Variants in REV3L observed in about 807,000 individuals in gnomAD.
REV3L encodes the protein DNA polymerase zeta catalytic subunit.
In REV3L, 69 loss-of-function variants were observed where a neutral mutation model predicts 299.4. That is an observed-to-expected ratio of 0.23 (90% CI 0.19 to 0.28). REV3L has a LOEUF of 0.28. Among genes scored for constraint, REV3L ranks in the 10% least tolerant of loss-of-function variants. The probability of loss-of-function intolerance (pLI) is 1.00; values close to 1 mark genes in which losing one functional copy is unlikely to be tolerated. For synonymous variants in REV3L, 1,238 were observed against 1,271.4 expected, an observed-to-expected ratio of 0.97 and a Z score of 0.56; for missense variants, 3,128 against 3,693.8, an observed-to-expected ratio of 0.85 and a Z score of 3.97.
At chr6:111,453,955 C>T (rs1016928105) in intron 1 of REV3L, among the ~76,000 whole-genome samples, 1 of 152,112 alleles carries the variant, frequency 6.6e-6, no homozygotes, top group African/African-American at 2.4e-5. Flanking sequence ...CATTGCACTC[C>T]AGCCTGGGCT....
chr6:111,386,156 A>G (rs1182101599), intron 9 of REV3L, among the ~76,000 whole-genome samples: 2 of 152,210 alleles, frequency 1.3e-5, no homozygotes. Flanking sequence ...ACTCTTCTAC[A>G]TGTGTTTGGT....
intron 1 of REV3L, among the ~76,000 whole-genome samples, chr6:111,476,838 C>T (rs928689477): frequency 7.9e-5 from 12 of 152,142 alleles, no homozygotes; most frequent in Admixed American, 5.9e-4. Context: ...TTTTGGTTGA[C>T]ACATATTTTG....
chr6:111,421,153 AT>A (rs2128289051), intron 1 of REV3L, among the ~76,000 whole-genome samples: 1 of 152,226 alleles, frequency 6.6e-6, no homozygotes, highest in African/African-American at 2.4e-5. Context: ...AAAACAAAAC[AT>A]TAAGTCCTTT....
intron 1 of REV3L, among the ~76,000 whole-genome samples, chr6:111,427,066 A>C (rs1786263412): frequency 6.6e-6 from 1 of 152,234 alleles, no homozygotes; most frequent in African/African-American, 2.4e-5. Flanking sequence ...AATTCTGATT[A>C]TGACATGAAA....
At chr6:111,483,249 GGGTGTGTGTGGC>G, upstream of REV3L, 1 of 486,096 alleles carries the variant, frequency 2.1e-6, no homozygotes, top group Admixed American at 4.3e-5. Context: ...GGGGAGAGGG[GGGTGTGTGTGGC>G]GAAGGGAGGC....
chr6:111,363,116 C>T (rs1778864969), intron 16 of REV3L, among the ~76,000 whole-genome samples: 1 of 152,188 alleles, frequency 6.6e-6, no homozygotes, highest in Admixed American at 6.5e-5. Context: ...TAGTCTTTGG[C>T]AGGCAGCCTG....
intron 1 of REV3L, among the ~76,000 whole-genome samples, chr6:111,441,293 C>G (rs1788238761): frequency 6.6e-6 from 1 of 152,132 alleles, no homozygotes; most frequent in Non-Finnish European, 1.5e-5. Context: ...CGCTCTGTCA[C>G]TCAGGCTGGA....
chr6:111,431,436 G>A (rs1317971757), intron 1 of REV3L: 10 of 1,032,712 alleles, frequency 9.7e-6, no homozygotes, highest in Non-Finnish European at 9.2e-6. Context: ...TGATTCTGAG[G>A]AAGCTGAAAT....
At chr6:111,387,264 G>T (rs1781437896) in intron 9 of REV3L, among the ~76,000 whole-genome samples, 1 of 152,154 alleles carries the variant, frequency 6.6e-6, no homozygotes, top group Non-Finnish European at 1.5e-5. Context: ...CTTGGGGTTT[G>T]AGGTGGAAAT....
At chr6:111,348,056 C>T (rs990781756) in intron 20 of REV3L, among the ~76,000 whole-genome samples, 4 of 152,176 alleles carry the variant, frequency 2.6e-5, no homozygotes, top group Non-Finnish European at 5.9e-5. Context: ...CCCTCCTTGG[C>T]CTCCCCAAGT....
At position 111,388,023 on chromosome 6, in the gene REV3L, G is replaced by C; in HGVS notation, c.925C>G (p.Leu309Val). ...KKFQKRLQEI[L>V]KQNDFSVTLS... is the part of the protein sequence containing the mutation. Reference sequence around the variant, plus strand: ...TACACAGAGAAATCATTCTGTTTGAGAATTTCCTGAAGTCTCTTCTGAAAT... The same window carrying C: ...TACACAGAGAAATCATTCTGTTTGACAATTTCCTGAAGTCTCTTCTGAAAT... Residue 309 changes from leucine to valine, a missense_variant, in exon 8 of 32, where the codon CTC becomes GTC. By Grantham distance (32) the Leu-to-Val change is conservative. Transcript: ENST00000368802. 6.2e-7 allele frequency: 1 copy of C among 1,612,612 alleles called. No individual in the cohort carries two copies. Among genetic ancestry groups the C allele is most frequent in the Non-Finnish European group, 8.5e-7 (1 of 1,179,250 alleles).
Position 111,373,356 on chromosome 6 carries a change from C to A in REV3L, c.4999G>T (p.Val1667Phe). 6.2e-7 allele frequency: 1 copy of A among 1,613,652 alleles called. No homozygotes were observed. The highest frequency in any genetic ancestry group is 1.3e-5 in the African/African-American group (1 of 74,950). The change falls in exon 13 of 32, where the codon GTC becomes TTC. Residue 1667 changes from valine to phenylalanine, a missense_variant. Val to Phe is a conservative substitution (Grantham distance 50). Coordinates refer to ENST00000368802, the MANE Select transcript of REV3L (RefSeq NM_001372078.1). ...FCSFYSGSQFVPADQNLPQKF... is the reference protein window; with the variant it reads ...FCSFYSGSQFFPADQNLPQKF... ...TGAGGCAAATTCTGATCAGCTGGGA[C>A]AAACTGACTTCCAGAATAAAAGCTA...
chr6:111,473,690 C>A (rs1010224965), intron 1 of REV3L, among the ~76,000 whole-genome samples: 30 of 151,848 alleles, frequency 2.0e-4, no homozygotes, highest in Admixed American at 1.4e-3. Context: ...TACATATGTG[C>A]AGTTCTTTTA....
chr6:111,387,177 CA>C (rs1206944476), intron 9 of REV3L, among the ~76,000 whole-genome samples: 1 of 152,194 alleles, frequency 6.6e-6, no homozygotes, highest in South Asian at 2.1e-4. Context: ...AAGCCAGACA[CA>C]AAAGACTATA....
chr6:111,307,491 T>C lies in REV3L; in HGVS notation c.9122A>G (p.His3041Arg), dbSNP rs144040640. The change falls in exon 31 of 32, where the codon CAC (histidine) becomes CGC (arginine). Residue 3041 changes from histidine (H) to arginine (R), a missense_variant. This residue lies in a region of REV3L where 294 missense variants were observed against 377.0 expected (regional missense o/e 0.78). Transcript: ENST00000368802. Reference protein sequence around the residue: ...GTISQYFTTLHCPVCDDLTQH... With the variant: ...GTISQYFTTLRCPVCDDLTQH... ...AGTTAGGTCATCACACACAGGACAG[T>C]GTAAGGTAGTAAAATATTGTGAAAT... 2.0e-5 allele frequency: 33 copies of C among 1,614,096 alleles called. No homozygotes were observed. The African/African-American group carries it at 2.4e-4, about 12-fold the overall frequency.
At chr6:111,437,558 A>T (rs1396283842) in intron 1 of REV3L, among the ~76,000 whole-genome samples, 1 of 151,392 alleles carries the variant, frequency 6.6e-6, no homozygotes, top group Non-Finnish European at 1.5e-5. Flanking sequence ...ATAGAGAAAA[A>T]TTTTAAATAT....
At chr6:111,423,369 C>T (rs1785792130) in intron 1 of REV3L, among the ~76,000 whole-genome samples, 1 of 151,990 alleles carries the variant, frequency 6.6e-6, no homozygotes, top group African/African-American at 2.4e-5. Context: ...TTTAGCCAAG[C>T]AAATGAGGAA....
At chr6:111,454,079 C>T (rs764543232) in intron 1 of REV3L, among the ~76,000 whole-genome samples, 13 of 151,590 alleles carry the variant, frequency 8.6e-5, no homozygotes, top group South Asian at 4.2e-4. Flanking sequence ...ATATCCCATG[C>T]GCTTACACAC....
intron 1 of REV3L, chr6:111,460,469 A>G (rs915138728): frequency 6.6e-6 from 1 of 152,120 alleles, no homozygotes; most frequent in African/African-American, 2.4e-5. Context: ...CGTAAAAGCC[A>G]TATAACAAAC....
Sources: gnomAD v4.1 joint callset for allele counts (sites outside exome capture counted in the v4.1 genomes callset) on GRCh38, gnomAD v4.1.1 for gene constraint, gnomAD v4.1.1 regional missense constraint, MANE v1.5 for transcripts, NCBI Gene and HGNC (gene_info 2026-07-23, HGNC 2026-07-21) for gene names.